SLC9B2: variants seen among roughly 807,000 people sequenced by gnomAD.
The protein encoded by SLC9B2 is sodium/hydrogen exchanger 9B2.
A neutral mutation model predicts 52.2 loss-of-function variants in SLC9B2; 39 were observed. That is an observed-to-expected ratio of 0.75 (90% CI 0.58 to 0.98). The LOEUF (loss-of-function observed/expected upper bound fraction) is 0.98. Ranked by LOEUF, SLC9B2 falls within the 50% of genes least tolerant of loss-of-function variation. The pLI is 0.00. For synonymous variants in SLC9B2, 214 were observed against 227.0 expected (o/e 0.94, Z 0.51); for missense variants, 626 against 637.5 (o/e 0.98, Z 0.19).
chr4:103,028,676 C>G (rs1343663656), intron 11 of SLC9B2, 71 bp downstream of exon 11: 1 of 1,492,344 alleles, frequency 6.7e-7, no homozygotes, highest in Admixed American at 2.5e-5. Flanking sequence ...TAAACAAGCC[C>G]TCTTATTCAA....
chr4:103,034,426 T>C (rs1013978919), intron 9 of SLC9B2, among the ~76,000 whole-genome samples: 8 of 152,116 alleles, frequency 5.3e-5, no homozygotes, highest in Non-Finnish European at 8.8e-5. Context: ...CCAAAAGCAA[T>C]TGTGACAAAA....
downstream of SLC9B2, chr4:103,019,596 T>C: frequency 2.0e-6 from 2 of 985,464 alleles, no homozygotes; most frequent in Non-Finnish European, 1.2e-6. Context: ...AAATGGGCCG[T>C]ACCTACAACT....
chr4:103,032,096 C>T lies in SLC9B2; in HGVS notation c.1147-288G>A, dbSNP rs574105224. 5.9e-5 allele frequency among the ~76,000 whole-genome samples: 9 copies of T among 152,136 alleles called. No individual in the cohort carries two copies. In the South Asian group the frequency reaches 1.0e-3, roughly 18 times the overall value. On this transcript the variant is annotated intron_variant, in intron 9 of 11. Transcript: ENST00000394785. ...TGAGGACTCCTACTTCTGAATACAT[C>T]GTGTGTATGTGCATGTGTGTATACA...
At chr4:103,044,278 T>C (rs1743901827) in intron 8 of SLC9B2, among the ~76,000 whole-genome samples, 1 of 152,214 alleles carries the variant, frequency 6.6e-6, no homozygotes, top group Non-Finnish European at 1.5e-5. Flanking sequence ...TTGTCGGTTG[T>C]ACTAGAGCAG....
At chr4:103,075,273 C>T (rs1747017085) in intron 1 of SLC9B2, among the ~76,000 whole-genome samples, 1 of 152,076 alleles carries the variant, frequency 6.6e-6, no homozygotes, top group South Asian at 2.1e-4. Flanking sequence ...CCTCAGCCTC[C>T]GGAATAGCTG....
At chr4:103,045,854 C>T (rs900193598) in intron 7 of SLC9B2, among the ~76,000 whole-genome samples, 2 of 152,012 alleles carry the variant, frequency 1.3e-5, no homozygotes, top group African/African-American at 2.4e-5. Flanking sequence ...TTAAAAATCG[C>T]CCAGGTAATT....
rs1286624763 is a variant in SLC9B2 at position 103,022,646 on chromosome 4, T to C, written c.*3724A>G. Among the ~76,000 whole-genome samples, 1 of 152,190 alleles carries C rather than the reference T, an allele frequency of 6.6e-6. No homozygotes were observed. Among genetic ancestry groups the C allele is most frequent in the Non-Finnish European group, 1.5e-5 (1 of 68,032 alleles). On this transcript the variant is annotated 3_prime_UTR_variant, in exon 12 of 12. Transcript: ENST00000394785. ...TTTACCTGAGGAAATTTTGAGGACA[T>C]CAAGATCAATCAAGGTGATTGGGAG...
At position 103,022,779 on chromosome 4, in the gene SLC9B2, T is replaced by A. The variant is rs191856258; in HGVS notation, c.*3591A>T. On this transcript the variant is annotated 3_prime_UTR_variant, in exon 12 of 12. Transcript: ENST00000394785. ...TATGTTGAAGCCTTAACTTCCAATG[T>A]GATGTATTTAGATATGAGGATTTGG... 6.6e-6 allele frequency among the ~76,000 whole-genome samples: 1 copy of A among 152,254 alleles called. No homozygotes were observed. The highest frequency in any genetic ancestry group is 2.4e-5 in the African/African-American group (1 of 41,548).
intron 3 of SLC9B2, among the ~76,000 whole-genome samples, chr4:103,059,955 A>G (rs1200868042): frequency 6.6e-6 from 1 of 152,002 alleles, no homozygotes; most frequent in African/African-American, 2.4e-5. Flanking sequence ...TTGTTTCTCC[A>G]TTCCTTGAAA....
chr4:103,068,773 T>C (rs1247445171), intron 1 of SLC9B2, among the ~76,000 whole-genome samples: 14 of 152,228 alleles, frequency 9.2e-5, no homozygotes, highest in Non-Finnish European at 7.3e-5. Context: ...GAGAAAATTA[T>C]GTAAGAGAAG....
At chr4:103,053,702 CT>C (rs539147620) in intron 4 of SLC9B2, among the ~76,000 whole-genome samples, 37 of 146,390 alleles carry the variant, frequency 2.5e-4, no homozygotes, top group Middle Eastern at 3.5e-3. Context: ...TAGGCATCAG[CT>C]TTTTTTTTTT....
intron 3 of SLC9B2, among the ~76,000 whole-genome samples, chr4:103,062,262 T>TA (rs1041358883): frequency 6.6e-6 from 1 of 151,902 alleles, no homozygotes; most frequent in Non-Finnish European, 1.5e-5. Context: ...CTCTACTAAA[T>TA]ACAAAAATTA....
rs1215109366 is a variant in SLC9B2, at chr4:103,031,721, A to G, written c.1234T>C (p.Ser412Pro). ...GLIGAEVSIA[S>P]LRPETVGLCV... ...TTACCTACAGTTTCTGGTCTGAGAG[A>G]TGCAATAGATACCTCTGCTCCAATT... Residue 412 changes from serine to proline, a missense_variant, in exon 10 of 12, where the codon TCT (serine) becomes CCT (proline). Coordinates refer to ENST00000394785, the MANE Select transcript of SLC9B2 (RefSeq NM_178833.7). 6 of 1,612,632 alleles carry G rather than the reference A, an allele frequency of 3.7e-6. No individual in the cohort carries two copies. Among genetic ancestry groups the G allele is most frequent in the Non-Finnish European group, 4.2e-6 (5 of 1,179,120 alleles).
chr4:103,059,115 T>G lies in SLC9B2; in HGVS notation c.272-1144A>C, dbSNP rs1578472747. Among the ~76,000 whole-genome samples the G allele has an allele frequency of 2.0e-5, 3 of 152,170 alleles. No individual in the cohort carries two copies. The East Asian group carries it at 5.8e-4, about 29-fold the overall frequency. On this transcript the variant is annotated intron_variant, in intron 3 of 11. Coordinates refer to ENST00000394785, the MANE Select transcript of SLC9B2 (RefSeq NM_178833.7). ...TGAAAACTTGTGTTTTACAAAACTG[T>G]GCACTAAAAATTGAAAAGTTTATGG...
At chr4:103,053,134 A>AT in intron 4 of SLC9B2, among the ~76,000 whole-genome samples, 1 of 152,080 alleles carries the variant, frequency 6.6e-6, no homozygotes, top group East Asian at 1.9e-4. Flanking sequence ...TGTTATGGAA[A>AT]TTTTTTCAAT....
chr4:103,052,731 G>A (rs1317177168), intron 4 of SLC9B2, among the ~76,000 whole-genome samples: 1 of 138,662 alleles, frequency 7.2e-6, no homozygotes, highest in Admixed American at 7.3e-5. Context: ...TTTTTTTTTT[G>A]AGACAGGGTC....
intron 7 of SLC9B2, 48 bp from the exon 8 acceptor site, chr4:103,045,044 A>G (rs201967007): frequency 3.2e-6 from 4 of 1,243,970 alleles, no homozygotes; most frequent in East Asian, 4.7e-5. Context: ...CAACAAATAC[A>G]CAGGTTTTAT....
chr4:103,034,490 G>C (rs1003799524), intron 9 of SLC9B2, among the ~76,000 whole-genome samples: 2 of 152,114 alleles, frequency 1.3e-5, no homozygotes, highest in African/African-American at 2.4e-5. Context: ...CACAGCAGAA[G>C]ATACTATCAA....
chr4:103,018,950 G>A (rs905476441), downstream of SLC9B2, among the ~76,000 whole-genome samples: 17 of 152,152 alleles, frequency 1.1e-4, no homozygotes, highest in Non-Finnish European at 2.5e-4. Flanking sequence ...TATGAACTGC[G>A]CATGTGAGGG....
Sources: allele counts gnomAD v4.1 joint callset (sites outside exome capture counted in the v4.1 genomes callset), GRCh38; gene constraint gnomAD v4.1.1; transcripts MANE v1.5; gene names NCBI Gene and HGNC (gene_info 2026-07-23, HGNC 2026-07-21).